Variants in CAPZB observed in about 807,000 individuals in gnomAD.
CAPZB encodes capping actin protein of muscle Z-line subunit beta, also known as F-actin-capping protein subunit beta.
CAPZB carries 2 observed loss-of-function variants against 38.1 expected under a neutral mutation model. The ratio of observed to expected loss-of-function variants is 0.05; its 90% CI spans 0.02 to 0.17. CAPZB has a LOEUF of 0.17. CAPZB is among the 10% of genes least tolerant of loss of function. The pLI is 1.00. For missense variants in CAPZB, 161 were observed against 334.2 expected (o/e 0.48, Z 4.04); for synonymous variants, 107 against 127.4 (o/e 0.84, Z 1.08).
intron 1 of CAPZB, among the ~76,000 whole-genome samples, chr1:19,439,923 T>G (rs1271869565): frequency 2.0e-5 from 3 of 152,206 alleles, no homozygotes; most frequent in African/African-American, 7.2e-5. Context: ...ATCAAGGCCC[T>G]AACATCCAGA....
intron 2 of CAPZB, among the ~76,000 whole-genome samples, chr1:19,416,890 T>G (rs1175861708): frequency 1.3e-4 from 10 of 74,940 alleles, no homozygotes; most frequent in South Asian, 3.7e-4. Flanking sequence ...AAAAAAAAAG[T>G]ATGCTCTGAC....
At chr1:19,404,751 A>G (rs1267942906) in intron 2 of CAPZB, among the ~76,000 whole-genome samples, 5 of 152,158 alleles carry the variant, frequency 3.3e-5, no homozygotes, top group African/African-American at 1.2e-4. Flanking sequence ...TTAAAAGGAC[A>G]GCTCAGCAAT....
intron 2 of CAPZB, among the ~76,000 whole-genome samples, chr1:19,395,885 C>T (rs569643116): frequency 4.6e-5 from 7 of 152,328 alleles, no homozygotes; most frequent in South Asian, 4.1e-4. Flanking sequence ...GCCAGCCAGC[C>T]GGCAGGAGAA....
chr1:19,370,766 C>T (rs893342667), intron 4 of CAPZB, among the ~76,000 whole-genome samples: 1 of 145,726 alleles, frequency 6.9e-6, no homozygotes, highest in African/African-American at 2.8e-5. Context: ...CTCAGGCCAG[C>T]TCTGTTAGCC....
At chr1:19,366,719 A>G (rs1470770297) in intron 4 of CAPZB, among the ~76,000 whole-genome samples, 2 of 151,706 alleles carry the variant, frequency 1.3e-5, no homozygotes, top group Non-Finnish European at 2.9e-5. Flanking sequence ...ACAAACAGAA[A>G]CTCCCAAGCT....
At chr1:19,466,433 T>C (rs1313181459) in intron 1 of CAPZB, among the ~76,000 whole-genome samples, 1 of 152,204 alleles carries the variant, frequency 6.6e-6, no homozygotes, top group Non-Finnish European at 1.5e-5. Flanking sequence ...TTTGAGCTCA[T>C]AGATCACATG....
intron 2 of CAPZB, among the ~76,000 whole-genome samples, chr1:19,407,784 G>A (rs1040082552): frequency 3.9e-5 from 6 of 152,132 alleles, no homozygotes; most frequent in Admixed American, 2.6e-4. Flanking sequence ...AATGATAACC[G>A]GGGTCAGCTC....
chr1:19,364,202 CT>C (rs1310057053), intron 4 of CAPZB, among the ~76,000 whole-genome samples: 1 of 152,208 alleles, frequency 6.6e-6, no homozygotes, highest in South Asian at 2.1e-4. Context: ...GTGCAAAAGA[CT>C]TTTTTCTTAT....
At chr1:19,360,133 T>C (rs1002326363) in intron 4 of CAPZB, among the ~76,000 whole-genome samples, 78 of 152,206 alleles carry the variant, frequency 5.1e-4, no homozygotes, top group African/African-American at 1.9e-3. Flanking sequence ...ATGGGCTCCG[T>C]GAGCCTTTCT....
In CAPZB at chr1:19,356,554, C is replaced by T. The variant is rs1387308617; in HGVS notation, c.588+81G>A. 3.4e-6 allele frequency: 3 copies of T among 888,286 alleles called. No homozygotes were observed. Among genetic ancestry groups the T allele is most frequent in the Non-Finnish European group, 5.8e-6 (3 of 518,434 alleles). 55.0% of individuals were successfully genotyped at this position (888,286 alleles called of 1,614,324 possible). ...GAACATGCTTACCCTAAATGGGGCA[C>T]CTGCTCACTCATCTCTGCAGGTCAG... On this transcript the variant is annotated intron_variant, in intron 6 of 8. Transcript: ENST00000264202. This position sits in a 1 kb window ranked among gnomAD's most constrained non-coding sequence, Gnocchi z 4.3.
At chr1:19,341,433 C>G (rs1227033805) in intron 8 of CAPZB, among the ~76,000 whole-genome samples, 3 of 152,132 alleles carry the variant, frequency 2.0e-5, no homozygotes, top group African/African-American at 7.2e-5. Context: ...TTGGCTGGAT[C>G]ACACGAAGGA....
chr1:19,373,794 C>T (rs764949707), intron 4 of CAPZB, among the ~76,000 whole-genome samples: 3 of 151,974 alleles, frequency 2.0e-5, no homozygotes, highest in Non-Finnish European at 4.4e-5. Flanking sequence ...TGGGCTCAAG[C>T]AATCCTCCTA....
chr1:19,431,582 GT>G (rs2094441856), intron 1 of CAPZB, among the ~76,000 whole-genome samples: 1 of 141,166 alleles, frequency 7.1e-6, no homozygotes, highest in Non-Finnish European at 1.6e-5. Context: ...TCAGCTGGGC[GT>G]GGTGGCGGGC....
intron 3 of CAPZB, 119 bp from the exon 4 acceptor site, chr1:19,378,772 A>G: frequency 4.8e-6 from 3 of 620,658 alleles, no homozygotes; most frequent in Non-Finnish European, 8.6e-6. Flanking sequence ...TAACTCCAGC[A>G]AAGATTTTTC....
intron 1 of CAPZB, among the ~76,000 whole-genome samples, chr1:19,453,230 C>CCGGGCCCCTGTTAG (rs1558276182): frequency 6.6e-6 from 1 of 152,164 alleles, no homozygotes; most frequent in East Asian, 1.9e-4. Flanking sequence ...CCCTGTGCTA[C>CCGGGCCCCTGTTAG]TGATAACTAA....
At chr1:19,474,871 CAGA>C (rs1217997801) in intron 1 of CAPZB, among the ~76,000 whole-genome samples, 1 of 152,148 alleles carries the variant, frequency 6.6e-6, no homozygotes, top group African/African-American at 2.4e-5. Flanking sequence ...TTAAGTCTTC[CAGA>C]AGAGTGACTT....
At chr1:19,346,299 A>G (rs2093960055) in intron 6 of CAPZB, among the ~76,000 whole-genome samples, 1 of 152,164 alleles carries the variant, frequency 6.6e-6, no homozygotes, top group South Asian at 2.1e-4. Context: ...GAAAGGGTAG[A>G]GTAGAAACCA....
chr1:19,442,347 G>T (rs549309413), intron 1 of CAPZB, among the ~76,000 whole-genome samples: 11 of 152,222 alleles, frequency 7.2e-5, no homozygotes, highest in Admixed American at 2.6e-4. Context: ...GGGGAGTGGG[G>T]GGGCGTGGAG....
chr1:19,344,041 G>C (rs377502371), intron 8 of CAPZB, among the ~76,000 whole-genome samples: 22 of 152,334 alleles, frequency 1.4e-4, no homozygotes, highest in African/African-American at 4.6e-4. Context: ...AGGCTGGAGG[G>C]TGGGGAGATT....
Sources: allele counts gnomAD v4.1 joint callset (sites outside exome capture counted in the v4.1 genomes callset), GRCh38; gene constraint gnomAD v4.1.1; non-coding constraint Gnocchi (gnomAD v3.1); transcripts MANE v1.5; gene names NCBI Gene and HGNC (gene_info 2026-07-23, HGNC 2026-07-21).